The following GALNT18 variants were observed in gnomAD, a reference collection of about 807,000 sequenced individuals.
GALNT18 encodes polypeptide N-acetylgalactosaminyltransferase 18.
Under a neutral mutation model 69.5 loss-of-function variants are expected in GALNT18, and 44 were observed. The observed-to-expected ratio is 0.63, with a 90% CI of 0.50 to 0.81. GALNT18 has a LOEUF of 0.81. GALNT18 is among the 40% of genes least tolerant of loss of function. The pLI, the probability that GALNT18 is intolerant of heterozygous loss-of-function variation, is 0.00. For synonymous variants in GALNT18, 364 were observed against 318.2 expected (o/e 1.14, Z -1.53); for missense variants, 715 against 810.0 (o/e 0.88, Z 1.42).
At chr11:11,537,974 T>A (rs1565000527) in intron 1 of GALNT18, among the ~76,000 whole-genome samples, 1 of 152,096 alleles carries the variant, frequency 6.6e-6, no homozygotes, top group Non-Finnish European at 1.5e-5. Flanking sequence ...TTTAATCTAA[T>A]ACAACTATAA....
intron 10 of GALNT18, among the ~76,000 whole-genome samples, chr11:11,277,928 G>T (rs1589998799): frequency 6.6e-6 from 1 of 152,088 alleles, no homozygotes; most frequent in East Asian, 1.9e-4. Context: ...CAATTATGTG[G>T]TCAATTTTGG....
In GALNT18 at chr11:11,616,289, C is replaced by G. The variant is rs987258235; in HGVS notation, c.235+5070G>C. ...GCATTTGACAGGGATTACATTTACT[C>G]GGAAAAATTTGAATGATAACACCCA... On this transcript the variant is annotated intron_variant, in intron 1 of 10. Transcript: ENST00000227756. The surrounding 1 kb of genome is among the most constrained non-coding windows in gnomAD (Gnocchi z 4.4). Among the ~76,000 whole-genome samples, 1 of 152,164 alleles carries G rather than the reference C, an allele frequency of 6.6e-6. No individual in the cohort carries two copies. Among genetic ancestry groups the G allele is most frequent in the African/African-American group, 2.4e-5 (1 of 41,438 alleles).
At chr11:11,498,679 G>T (rs184947431) in intron 1 of GALNT18, among the ~76,000 whole-genome samples, 2 of 152,176 alleles carry the variant, frequency 1.3e-5, no homozygotes, top group Admixed American at 1.3e-4. Context: ...TGCACCTGTA[G>T]TCCCAGCTAC....
intron 3 of GALNT18, among the ~76,000 whole-genome samples, chr11:11,397,805 G>T (rs1854369581): frequency 1.3e-5 from 2 of 152,198 alleles, no homozygotes; most frequent in South Asian, 4.1e-4. Context: ...GGCATAGAAA[G>T]AAAATAGAAA....
chr11:11,334,110 C>T (rs1850067425), intron 7 of GALNT18, among the ~76,000 whole-genome samples: 1 of 152,160 alleles, frequency 6.6e-6, no homozygotes, highest in African/African-American at 2.4e-5. Flanking sequence ...CTGGTTCAAA[C>T]ATCAACTCCA....
At position 11,365,937 on chromosome 11, in the gene GALNT18, G is replaced by T. The variant is rs117666837; in HGVS notation, c.1092+6578C>A. Among the ~76,000 whole-genome samples the T allele has an allele frequency of 3.9e-5, 6 of 152,302 alleles. No homozygotes were observed. In the East Asian group the frequency reaches 9.6e-4, roughly 24 times the overall value. On this transcript the variant is annotated intron_variant, in intron 6 of 10. Transcript: ENST00000227756. ...CTGTCACTGTCCCCTCGAAGCAAAG[G>T]TATGTACATAAACCTAGATTTAGCT...
intron 1 of GALNT18, among the ~76,000 whole-genome samples, chr11:11,456,048 A>C (rs1022796257): frequency 1.6e-4 from 25 of 152,098 alleles, no homozygotes; most frequent in Non-Finnish European, 3.4e-4. Flanking sequence ...TTGCCACCAC[A>C]CTCCAGCCCA....
chr11:11,343,190 C>A (rs911956540), intron 6 of GALNT18, among the ~76,000 whole-genome samples: 6 of 151,406 alleles, frequency 4.0e-5, no homozygotes, highest in African/African-American at 1.5e-4. Flanking sequence ...CTGAAAATTT[C>A]AAAAAAAGTT....
chr11:11,604,440 A>C lies in GALNT18; in HGVS notation c.235+16919T>G, dbSNP rs982201949. ...CCACACTGCTGGAGAGTGGGGAAGG[A>C]CAGGGTGGACAAGCGATCTACATCC... On this transcript the variant is annotated intron_variant, in intron 1 of 10. Coordinates refer to ENST00000227756, the MANE Select transcript of GALNT18 (RefSeq NM_198516.3). This position sits in a 1 kb window ranked among gnomAD's most constrained non-coding sequence, Gnocchi z 5.6. Among the ~76,000 whole-genome samples the C allele has an allele frequency of 6.6e-6, 1 of 152,124 alleles. No homozygotes were observed. Among genetic ancestry groups the C allele is most frequent in the African/African-American group, 2.4e-5 (1 of 41,416 alleles).
intron 1 of GALNT18, among the ~76,000 whole-genome samples, chr11:11,474,111 G>C (rs1590035007): frequency 6.6e-6 from 1 of 152,092 alleles, no homozygotes; most frequent in South Asian, 2.1e-4. Context: ...AACAAACCAA[G>C]ACATTAAGTA....
chr11:11,403,351 A>G (rs1441741608), intron 3 of GALNT18, among the ~76,000 whole-genome samples: 1 of 152,148 alleles, frequency 6.6e-6, no homozygotes, highest in East Asian at 1.9e-4. Flanking sequence ...TGGGTGAGAG[A>G]AAAGTCTCTC....
intron 1 of GALNT18, among the ~76,000 whole-genome samples, chr11:11,498,119 T>C (rs1211407666): frequency 6.6e-6 from 1 of 152,176 alleles, no homozygotes; most frequent in East Asian, 1.9e-4. Context: ...ATTATGTACA[T>C]ATGTCTTCTA....
chr11:11,512,020 C>T (rs139109416), intron 1 of GALNT18, among the ~76,000 whole-genome samples: 6 of 152,324 alleles, frequency 3.9e-5, no homozygotes, highest in African/African-American at 1.4e-4. Context: ...TACACACATA[C>T]ATATGTTTAC....
chr11:11,448,908 C>T lies in GALNT18; in HGVS notation c.264G>A (p.Glu88=). Residue 88 remains glutamate (E), a synonymous_variant, in exon 2 of 11, where the codon GAG becomes GAA. Transcript: ENST00000227756. ...QEAPAKPEEA[E]AEPFTDSSLF... The stretch of plus-strand genomic sequence containing the variant: ...GAGAGGAGTCTGTGAAGGGCTCGGC[C>T]TCTGCCTCCTCAGGCTTGGCAGGAG... 1 of 1,598,058 alleles carries T rather than the reference C, an allele frequency of 6.3e-7. No homozygotes were observed.
chr11:11,449,539 T>A (rs1855745420), intron 1 of GALNT18, among the ~76,000 whole-genome samples: 1 of 152,208 alleles, frequency 6.6e-6, no homozygotes, highest in Non-Finnish European at 1.5e-5. Flanking sequence ...ATGACACAGG[T>A]GACAGCCAAG....
intron 1 of GALNT18, among the ~76,000 whole-genome samples, chr11:11,565,487 G>A (rs1858624497): frequency 6.6e-6 from 1 of 152,178 alleles, no homozygotes; most frequent in Admixed American, 6.5e-5. Flanking sequence ...CTAAGCATGA[G>A]GGTAAGTGCC....
At chr11:11,399,576 A>T (rs1457108702) in intron 3 of GALNT18, among the ~76,000 whole-genome samples, 1 of 152,232 alleles carries the variant, frequency 6.6e-6, no homozygotes, top group Non-Finnish European at 1.5e-5. Flanking sequence ...GACTACAAAC[A>T]GTAACGATAT....
chr11:11,295,540 C>T (rs1849384632), intron 9 of GALNT18, among the ~76,000 whole-genome samples: 1 of 152,162 alleles, frequency 6.6e-6, no homozygotes, highest in Admixed American at 6.5e-5. Flanking sequence ...CTTTCCTCCC[C>T]ACTTCAATCT....
intron 1 of GALNT18, among the ~76,000 whole-genome samples, chr11:11,565,690 C>G (rs545268147): frequency 6.6e-6 from 1 of 152,290 alleles, no homozygotes; most frequent in South Asian, 2.1e-4. Flanking sequence ...AACATGGACC[C>G]TGCCCTCAAG....
Sources: gnomAD v4.1 joint callset for allele counts (sites outside exome capture counted in the v4.1 genomes callset) on GRCh38, gnomAD v4.1.1 for gene constraint, Gnocchi (gnomAD v3.1) non-coding constraint, MANE v1.5 for transcripts, NCBI Gene and HGNC (gene_info 2026-07-23, HGNC 2026-07-21) for gene names.